Variants in LCMT1 observed in about 807,000 individuals in gnomAD.
LCMT1 encodes leucine carboxyl methyltransferase 1.
LCMT1 carries 32 observed loss-of-function variants against 47.7 expected under a neutral mutation model. The observed-to-expected ratio is 0.67, with a 90% CI of 0.51 to 0.90. The LOEUF (loss-of-function observed/expected upper bound fraction) is 0.90. LCMT1 is among the 40% of genes least tolerant of loss of function. The pLI is 0.00. For synonymous variants in LCMT1, 152 were observed against 149.7 expected, an observed-to-expected ratio of 1.02 and a Z score of -0.11; for missense variants, 375 against 415.2, an observed-to-expected ratio of 0.90 and a Z score of 0.84.
At chr16:25,166,438 A>G (rs1597602556) in intron 7 of LCMT1, among the ~76,000 whole-genome samples, 1 of 152,110 alleles carries the variant, frequency 6.6e-6, no homozygotes, top group Non-Finnish European at 1.5e-5. Context: ...GTCTCACTGT[A>G]TCACCCAGGC....
At position 25,132,386 on chromosome 16, in the gene LCMT1, C is replaced by T. The variant is rs747040845; in HGVS notation, c.206-16C>T. 2.5e-6 allele frequency: 4 copies of T among 1,612,678 alleles called. No individual in the cohort carries two copies. Among genetic ancestry groups the T allele is most frequent in the South Asian group, 2.2e-5 (2 of 91,024 alleles). Reference sequence around the variant, plus strand: ...ACTGGGTGATAGCTTGTTTCTGTGCCTCCCCTCCCCCCTAGGATATTTTGC... The same window carrying T: ...ACTGGGTGATAGCTTGTTTCTGTGCTTCCCCTCCCCCCTAGGATATTTTGC... On this transcript the variant is annotated splice_polypyrimidine_tract_variant and intron_variant, in intron 2 of 10. Transcript: ENST00000399069.
At chr16:25,150,253 T>G (rs2141680043) in intron 4 of LCMT1, among the ~76,000 whole-genome samples, 1 of 151,658 alleles carries the variant, frequency 6.6e-6, no homozygotes, top group Admixed American at 6.6e-5. Context: ...TTGCCCAAAG[T>G]CTTTTATCTA....
At chr16:25,142,239 G>T (rs1369845995) in intron 4 of LCMT1, 1 of 152,212 alleles carries the variant, frequency 6.6e-6, no homozygotes, top group Non-Finnish European at 1.5e-5. Context: ...TGGCATGGGG[G>T]AAAAGATAGC....
Position 25,128,544 on chromosome 16 carries a change from G to C in LCMT1, c.183G>C (p.Arg61Ser). 6.2e-7 allele frequency: 1 copy of C among 1,603,638 alleles called. No homozygotes were observed. Among genetic ancestry groups the C allele is most frequent in the Non-Finnish European group, 8.5e-7 (1 of 1,174,782 alleles). Residue 61 changes from arginine (R) to serine (S), a missense_variant, in exon 2 of 11, where the codon AGG (arginine) becomes AGC (serine). Transcript: ENST00000399069. ...IQHFVRLSKE[R>S]KAPEINRGYF... Reference sequence around the variant, plus strand: ...ACTTTGTGAGACTGTCTAAAGAGAGGAAAGCCCCTGAAATCAACAGAGGCA... The same window carrying C: ...ACTTTGTGAGACTGTCTAAAGAGAGCAAAGCCCCTGAAATCAACAGAGGCA...
intron 1 of LCMT1, among the ~76,000 whole-genome samples, chr16:25,123,075 G>A (rs1876491074): frequency 6.6e-6 from 1 of 152,046 alleles, no homozygotes; most frequent in Admixed American, 6.6e-5. Flanking sequence ...TCTGGCTTTG[G>A]TTTTATGGTT....
At chr16:25,174,574 A>G (rs1347818470) in intron 9 of LCMT1, among the ~76,000 whole-genome samples, 1 of 152,200 alleles carries the variant, frequency 6.6e-6, no homozygotes, top group Non-Finnish European at 1.5e-5. Context: ...AAATGGCTGC[A>G]TAGTGTCCTG....
At chr16:25,174,164 G>T (rs370166075) in intron 9 of LCMT1, among the ~76,000 whole-genome samples, 47 of 152,298 alleles carry the variant, frequency 3.1e-4, no homozygotes, top group African/African-American at 1.1e-3. Flanking sequence ...CACCCACCAT[G>T]GCCTCCCAAA....
At chr16:25,169,062 A>C in intron 7 of LCMT1, 50 bp from the exon 8 acceptor site, 1 of 1,264,608 alleles carries the variant, frequency 7.9e-7, no homozygotes, top group Non-Finnish European at 1.2e-6. Flanking sequence ...TTTATTTTGC[A>C]TATTTAGGAA....
At chr16:25,137,203 A>G (rs550154283) in intron 3 of LCMT1, among the ~76,000 whole-genome samples, 2 of 151,626 alleles carry the variant, frequency 1.3e-5, no homozygotes, top group South Asian at 2.1e-4. Flanking sequence ...CCCAGCTAAT[A>G]GTTTGTATTT....
At chr16:25,123,857 C>T (rs1456966948) in intron 1 of LCMT1, among the ~76,000 whole-genome samples, 1 of 152,134 alleles carries the variant, frequency 6.6e-6, no homozygotes, top group Non-Finnish European at 1.5e-5. Context: ...GATCCGCCCG[C>T]CTCGGCCTCC....
intron 1 of LCMT1, among the ~76,000 whole-genome samples, chr16:25,116,326 C>T (rs188435547): frequency 6.6e-6 from 1 of 152,358 alleles, no homozygotes; most frequent in Admixed American, 6.5e-5. Context: ...TCACTTCTAT[C>T]AGCTGGGAGA....
At chr16:25,139,408 G>A (rs1459233367) in intron 3 of LCMT1, among the ~76,000 whole-genome samples, 1 of 151,992 alleles carries the variant, frequency 6.6e-6, no homozygotes, top group African/African-American at 2.4e-5. Flanking sequence ...TACTCTGGAG[G>A]CTGAGGCAGG....
intron 3 of LCMT1, among the ~76,000 whole-genome samples, chr16:25,135,143 C>A (rs1044936186): frequency 6.6e-6 from 1 of 151,912 alleles, no homozygotes; most frequent in Non-Finnish European, 1.5e-5. Flanking sequence ...GCTTACGTAC[C>A]CCTCCTAAGA....
At chr16:25,164,443 A>G (rs898874595) in intron 6 of LCMT1, among the ~76,000 whole-genome samples, 155 bp from the exon 7 acceptor site, 2 of 152,090 alleles carry the variant, frequency 1.3e-5, no homozygotes, top group African/African-American at 4.8e-5. Context: ...ACGGTATTCC[A>G]CATGTATTCC....
chr16:25,124,916 T>TAAC (rs1960115356), intron 1 of LCMT1, among the ~76,000 whole-genome samples: 1 of 152,228 alleles, frequency 6.6e-6, no homozygotes, highest in Non-Finnish European at 1.5e-5. Context: ...ACCTCAAACC[T>TAAC]AAGTATTTTT....
chr16:25,140,006 C>A (rs933653133), intron 3 of LCMT1, 165 bp from the exon 4 acceptor site: 1 of 600,936 alleles, frequency 1.7e-6, no homozygotes, highest in South Asian at 2.1e-5. Context: ...TTGCTTCCCT[C>A]AAATCTATTC....
chr16:25,149,147 A>T (rs535815559), intron 4 of LCMT1: 1 of 152,226 alleles, frequency 6.6e-6, no homozygotes, highest in Admixed American at 6.5e-5. Flanking sequence ...GTTCAACCCC[A>T]GGCCTGCGGG....
At position 25,147,282 on chromosome 16, in the gene LCMT1, C is replaced by G. The variant is rs1038653596; in HGVS notation, c.405-4272C>G. Reference sequence around the variant, plus strand: ...CCATTTCTCTGAGGGGAAAACAGCCCTGGGCCAGTGGGGAAGCAAAAGAGG... The same window carrying G: ...CCATTTCTCTGAGGGGAAAACAGCCGTGGGCCAGTGGGGAAGCAAAAGAGG... On this transcript the variant is annotated intron_variant, in intron 4 of 10. Coordinates refer to ENST00000399069, the MANE Select transcript of LCMT1 (RefSeq NM_016309.3). 3.3e-5 allele frequency: 5 copies of G among 152,472 alleles called. No individual in the cohort carries two copies. The South Asian group carries it at 1.0e-3, about 32-fold the overall frequency. 9.4% of individuals were successfully genotyped at this position (152,472 alleles called of 1,614,324 possible).
chr16:25,170,250 T>G (rs565960739), intron 8 of LCMT1, among the ~76,000 whole-genome samples: 1 of 151,992 alleles, frequency 6.6e-6, no homozygotes, highest in Non-Finnish European at 1.5e-5. Context: ...AATAGGTTCA[T>G]TTTTACATAT....
Sources: gnomAD v4.1 joint callset for allele counts (sites outside exome capture counted in the v4.1 genomes callset) on GRCh38, gnomAD v4.1.1 for gene constraint, MANE v1.5 for transcripts, NCBI Gene and HGNC (gene_info 2026-07-23, HGNC 2026-07-21) for gene names.